CYRIB: variants seen among roughly 807,000 people sequenced by gnomAD.
CYRIB encodes the protein CYFIP-related Rac1 interactor B.
CYRIB carries 8 observed loss-of-function variants against 44.2 expected under a neutral mutation model. The observed-to-expected ratio is 0.18, with a 90% CI of 0.11 to 0.33. The LOEUF (loss-of-function observed/expected upper bound fraction) is 0.33. Ranked by LOEUF, CYRIB falls within the 10% of genes least tolerant of loss-of-function variation. The pLI is 1.00. For synonymous variants in CYRIB, 131 were observed against 127.2 expected, an observed-to-expected ratio of 1.03 and a Z score of -0.20; for missense variants, 185 against 382.8, an observed-to-expected ratio of 0.48 and a Z score of 4.31.
intron 2 of CYRIB, among the ~76,000 whole-genome samples, chr8:129,899,638 A>G (rs1438023552): frequency 1.3e-5 from 2 of 152,264 alleles, no homozygotes; most frequent in Non-Finnish European, 2.9e-5. Context: ...ATTTCAGAAC[A>G]GAGCATTGCA....
intron 4 of CYRIB, among the ~76,000 whole-genome samples, chr8:129,863,353 C>T (rs544888802): frequency 1.3e-5 from 2 of 152,036 alleles, no homozygotes; most frequent in South Asian, 4.2e-4. Flanking sequence ...GGTGAAACCC[C>T]GTCTCTACCA....
At chr8:129,988,242 C>A (rs2096534814) in intron 1 of CYRIB, among the ~76,000 whole-genome samples, 1 of 152,188 alleles carries the variant, frequency 6.6e-6, no homozygotes, top group African/African-American at 2.4e-5. Flanking sequence ...CCGGCCAGGG[C>A]AGGTGTCTTC....
chr8:129,842,331 T>C, intron 11 of CYRIB, 126 bp from the exon 14 acceptor site: 2 of 682,660 alleles, frequency 2.9e-6, no homozygotes, highest in South Asian at 1.7e-5. Context: ...CTTCTCATTG[T>C]AGCTTTAACC....
intron 1 of CYRIB, among the ~76,000 whole-genome samples, chr8:129,991,316 CA>C (rs34313669): frequency 0.3 from 45,134 of 151,682 alleles, 7,218 homozygotes; most frequent in African/African-American, 0.41. Flanking sequence ...AAGTCTTCTC[CA>C]AAACTCATAC....
chr8:129,991,968 A>AC (rs1397960023), intron 1 of CYRIB, among the ~76,000 whole-genome samples: 1 of 139,862 alleles, frequency 7.1e-6, no homozygotes, highest in Non-Finnish European at 1.6e-5. Context: ...AAAAAAAAAA[A>AC]AAAACAATAG....
At chr8:129,884,954 G>A (rs1395981700) in intron 2 of CYRIB, among the ~76,000 whole-genome samples, 1 of 152,212 alleles carries the variant, frequency 6.6e-6, no homozygotes, top group African/African-American at 2.4e-5. Context: ...TCTGTGGAAT[G>A]TATTTTTAAG....
intron 1 of CYRIB, among the ~76,000 whole-genome samples, chr8:129,937,584 AATCAAAAATCT>A (rs1166987248): frequency 6.6e-6 from 1 of 152,248 alleles, no homozygotes; most frequent in Non-Finnish European, 1.5e-5. Flanking sequence ...GTTAAACGTC[AATCAAAAATCT>A]ATCAAAAATA....
At chr8:129,854,842 G>A (rs1351043722) in intron 6 of CYRIB, among the ~76,000 whole-genome samples, 1 of 152,134 alleles carries the variant, frequency 6.6e-6, no homozygotes, top group Non-Finnish European at 1.5e-5. Context: ...GGTTACTGTG[G>A]CAGAGTATAA....
intron 1 of CYRIB, among the ~76,000 whole-genome samples, chr8:129,973,001 C>T (rs1396906002): frequency 6.6e-6 from 1 of 152,210 alleles, no homozygotes; most frequent in Non-Finnish European, 1.5e-5. Flanking sequence ...CACTTAACTT[C>T]TGTTATAAAG....
chr8:129,933,605 G>A (rs1222401762), intron 1 of CYRIB, among the ~76,000 whole-genome samples: 1 of 152,134 alleles, frequency 6.6e-6, no homozygotes, highest in African/African-American at 2.4e-5. Flanking sequence ...GCCGGGTGCG[G>A]TGGCTCGCGC....
intron 2 of CYRIB, among the ~76,000 whole-genome samples, chr8:129,898,353 GA>G (rs889572562): frequency 1.3e-5 from 2 of 151,774 alleles, no homozygotes; most frequent in African/African-American, 2.4e-5. Flanking sequence ...TTCTAAGTTA[GA>G]AAAAAAATTT....
At chr8:129,869,920 A>G (rs1305926160) in intron 4 of CYRIB, among the ~76,000 whole-genome samples, 4 of 151,900 alleles carry the variant, frequency 2.6e-5, no homozygotes, top group African/African-American at 9.7e-5. Context: ...GGTTCCCACA[A>G]AAGAAATGTG....
intron 2 of CYRIB, chr8:129,894,530 G>C (rs748487261): frequency 5.3e-5 from 8 of 152,190 alleles, no homozygotes; most frequent in Non-Finnish European, 8.8e-5. Flanking sequence ...ACATTTCCCA[G>C]ACATCTTTGC....
intron 1 of CYRIB, among the ~76,000 whole-genome samples, chr8:129,937,105 T>C (rs2092952133): frequency 6.6e-6 from 1 of 152,208 alleles, no homozygotes; most frequent in African/African-American, 2.4e-5. Context: ...AAAATGCTGT[T>C]ACAGTCTAAG....
At chr8:129,842,358 C>G (rs2036796968) in intron 11 of CYRIB, among the ~76,000 whole-genome samples, 153 bp from the exon 14 acceptor site, 1 of 152,208 alleles carries the variant, frequency 6.6e-6, no homozygotes, top group Non-Finnish European at 1.5e-5. Flanking sequence ...AGGTTCTGCA[C>G]AGCCTGTCAT....
intron 1 of CYRIB, among the ~76,000 whole-genome samples, chr8:129,991,968 A>C (rs2894503): frequency 7.1e-6 from 1 of 139,862 alleles, no homozygotes; most frequent in East Asian, 2.2e-4. Flanking sequence ...AAAAAAAAAA[A>C]AAAACAATAG....
At chr8:129,993,906 T>C (rs1406149946) in intron 1 of CYRIB, among the ~76,000 whole-genome samples, 1 of 151,046 alleles carries the variant, frequency 6.6e-6, no homozygotes, top group Non-Finnish European at 1.5e-5. Flanking sequence ...CACCTCTGCC[T>C]ACCTCCCTCA....
intron 1 of CYRIB, among the ~76,000 whole-genome samples, chr8:130,011,393 C>T (rs559496608): frequency 1.2e-4 from 18 of 152,160 alleles, no homozygotes; most frequent in East Asian, 5.8e-4. Flanking sequence ...TGGTGGTACG[C>T]GCCTGTAATC....
intron 1 of CYRIB, among the ~76,000 whole-genome samples, chr8:129,907,542 T>C (rs1382133307): frequency 2.0e-5 from 3 of 152,140 alleles, no homozygotes; most frequent in South Asian, 4.1e-4. Flanking sequence ...TGTATATGTA[T>C]GTAACAAACC....
Sources: gnomAD v4.1 joint callset for allele counts (sites outside exome capture counted in the v4.1 genomes callset) on GRCh38, gnomAD v4.1.1 for gene constraint, MANE v1.5 for transcripts, NCBI Gene and HGNC (gene_info 2026-07-23, HGNC 2026-07-21) for gene names.